OCLN: variants seen among roughly 807,000 people sequenced by gnomAD.
OCLN encodes the protein phosphatase 1, regulatory subunit 115.
Under a neutral mutation model 47.9 loss-of-function variants are expected in OCLN, and 21 were observed. The ratio of observed to expected loss-of-function variants is 0.44; its 90% CI spans 0.31 to 0.63. OCLN has a LOEUF of 0.63. Among genes scored for constraint, OCLN ranks in the 30% least tolerant of loss-of-function variants. The pLI is 0.08. For synonymous variants in OCLN, 117 were observed against 198.4 expected, an observed-to-expected ratio of 0.59 and a Z score of 3.45; for missense variants, 360 against 571.0, an observed-to-expected ratio of 0.63 and a Z score of 3.77.
chr5:69,549,166 TA>T (rs57565533), intron 7 of OCLN, among the ~76,000 whole-genome samples: 87,221 of 104,398 alleles, frequency 0.84, 36,405 homozygotes, highest in Non-Finnish European at 0.86. Context: ...CCGTCTCTAC[TA>T]AAAAAAAAAA....
intron 4 of OCLN, among the ~76,000 whole-genome samples, chr5:69,529,038 G>C (rs79890525): frequency 6.6e-6 from 1 of 152,166 alleles, no homozygotes; most frequent in Non-Finnish European, 1.5e-5. Context: ...TGTTTTCCCC[G>C]ATCTTTGTTT....
chr5:69,513,169 C>A (rs904726560), intron 3 of OCLN, among the ~76,000 whole-genome samples: 1 of 152,156 alleles, frequency 6.6e-6, no homozygotes, highest in African/African-American at 2.4e-5. Flanking sequence ...GAAGGAGAGC[C>A]TCTTGTTCCC....
At chr5:69,517,937 G>A (rs1460525360) in intron 4 of OCLN, among the ~76,000 whole-genome samples, 1 of 152,150 alleles carries the variant, frequency 6.6e-6, no homozygotes, top group Non-Finnish European at 1.5e-5. Flanking sequence ...GTTTCTGGGT[G>A]TGTTAGTTTT....
intron 4 of OCLN, among the ~76,000 whole-genome samples, chr5:69,517,315 T>TATATATA (rs1491473385): frequency 3.3e-5 from 1 of 30,442 alleles, no homozygotes; most frequent in East Asian, 1.0e-3. Flanking sequence ...TATATATATA[T>TATATATA]TTTTTTTTTT....
intron 2 of OCLN, among the ~76,000 whole-genome samples, chr5:69,505,992 C>T (rs1279737009): frequency 6.6e-6 from 1 of 152,216 alleles, no homozygotes; most frequent in East Asian, 1.9e-4. Flanking sequence ...ACTGCCCCCA[C>T]TTCACGTAGC....
chr5:69,497,681 A>G (rs1048648634), intron 1 of OCLN, among the ~76,000 whole-genome samples: 7 of 151,992 alleles, frequency 4.6e-5, no homozygotes, highest in African/African-American at 7.2e-5. Context: ...GTGCCTGGCC[A>G]GCTTTTCTAG....
At chr5:69,524,337 C>A (rs1431151556) in intron 4 of OCLN, among the ~76,000 whole-genome samples, 1 of 152,218 alleles carries the variant, frequency 6.6e-6, no homozygotes, top group Non-Finnish European at 1.5e-5. Flanking sequence ...TTTTTACTCT[C>A]TCATCTACTT....
intron 1 of OCLN, among the ~76,000 whole-genome samples, chr5:69,503,784 T>A (rs964038793): frequency 1.3e-5 from 2 of 152,202 alleles, no homozygotes; most frequent in Admixed American, 1.3e-4. Flanking sequence ...TTATCATTTT[T>A]AATGATAAAG....
Position 69,520,676 on chromosome 5 carries a change from T to C in OCLN, c.891+6567T>C, listed in dbSNP as rs948040330. ...TGCTCATACTCCCTTAAATTTTTTT[T>C]TTTACTTTTGTTATTATTTATTTAG... On this transcript the variant is annotated intron_variant, in intron 4 of 8. Coordinates refer to ENST00000396442, the MANE Select transcript of OCLN (RefSeq NM_001205254.2). Among the ~76,000 whole-genome samples, 14 of 152,308 alleles carry C rather than the reference T, an allele frequency of 9.2e-5. No individual in the cohort carries two copies. In the South Asian group the frequency reaches 2.3e-3, roughly 25 times the overall value.
At chr5:69,529,197 C>T (rs898174761) in intron 4 of OCLN, among the ~76,000 whole-genome samples, 1 of 152,064 alleles carries the variant, frequency 6.6e-6, no homozygotes, top group African/African-American at 2.4e-5. Context: ...GGAAGAATCA[C>T]GGTAGGTATT....
intron 1 of OCLN, among the ~76,000 whole-genome samples, chr5:69,498,475 CAG>C (rs1768364713): frequency 6.7e-6 from 1 of 150,010 alleles, no homozygotes; most frequent in Admixed American, 6.7e-5. Flanking sequence ...GGCTGGATGA[CAG>C]AGCAAGACTC....
At chr5:69,530,153 A>G (rs1212559265) in intron 4 of OCLN, among the ~76,000 whole-genome samples, 1 of 152,142 alleles carries the variant, frequency 6.6e-6, no homozygotes, top group Non-Finnish European at 1.5e-5. Context: ...AGCTTGGGCA[A>G]CATAGCAAGG....
intron 5 of OCLN, among the ~76,000 whole-genome samples, chr5:69,536,827 G>A (rs1769601383): frequency 6.6e-6 from 1 of 152,166 alleles, no homozygotes. Context: ...AATTAGCCGG[G>A]CATGGTGGCG....
intron 1 of OCLN, among the ~76,000 whole-genome samples, chr5:69,495,901 T>C (rs994831107): frequency 2.6e-5 from 4 of 152,204 alleles, no homozygotes; most frequent in Non-Finnish European, 4.4e-5. Flanking sequence ...GCAAGATCAA[T>C]GTCCTTTTTG....
Position 69,553,815 on chromosome 5 carries a change from T to C in OCLN, c.*144T>C, listed in dbSNP as rs1769899854. The C allele has an allele frequency of 3.2e-6, 4 of 1,249,132 alleles. No homozygotes were observed. Among genetic ancestry groups the C allele is most frequent in the Non-Finnish European group, 4.5e-6 (4 of 884,584 alleles). 77.4% of individuals were successfully genotyped at this position (1,249,132 alleles called of 1,614,324 possible). On this transcript the variant is annotated 3_prime_UTR_variant, in exon 9 of 9. Coordinates refer to ENST00000396442, the MANE Select transcript of OCLN (RefSeq NM_001205254.2). ...TTTGGTTGCTTTAACATCATCAGTA[T>C]TGAAGCATTTTATAAATCGCTTTTG... is the stretch of plus-strand genomic sequence containing the variant.
chr5:69,516,200 G>T (rs1768961971), intron 4 of OCLN, among the ~76,000 whole-genome samples: 1 of 152,130 alleles, frequency 6.6e-6, no homozygotes, highest in Admixed American at 6.5e-5. Flanking sequence ...ACTCCAGCCT[G>T]GGCACCATTG....
At chr5:69,498,015 C>T (rs974654634) in intron 1 of OCLN, among the ~76,000 whole-genome samples, 2 of 151,312 alleles carry the variant, frequency 1.3e-5, no homozygotes, top group Non-Finnish European at 3.0e-5. Flanking sequence ...GCCTGTAGTC[C>T]CAGCTACTTG....
intron 4 of OCLN, among the ~76,000 whole-genome samples, chr5:69,532,086 T>C (rs1257316501): frequency 6.6e-6 from 1 of 152,244 alleles, no homozygotes; most frequent in Non-Finnish European, 1.5e-5. Flanking sequence ...TGATACCTTG[T>C]CACCTCATTT....
At chr5:69,494,065 A>C (rs910428994) in intron 1 of OCLN, among the ~76,000 whole-genome samples, 1 of 152,292 alleles carries the variant, frequency 6.6e-6, no homozygotes, top group South Asian at 2.1e-4. Flanking sequence ...GGAAAAGAGA[A>C]ACGTTTCCCA....
Sources: gnomAD v4.1 joint callset for allele counts (sites outside exome capture counted in the v4.1 genomes callset) on GRCh38, gnomAD v4.1.1 for gene constraint, MANE v1.5 for transcripts, NCBI Gene and HGNC (gene_info 2026-07-23, HGNC 2026-07-21) for gene names.